The following ZNF469 variants were observed in gnomAD, a reference collection of about 807,000 sequenced individuals.
ZNF469 encodes zinc finger protein 469.
A neutral mutation model predicts 1.0 loss-of-function variants in ZNF469; 1 was observed. That is an observed-to-expected ratio of 1.00 (90% CI 0.35 to 4.73). ZNF469 has a LOEUF of 4.73. Ranked by LOEUF, ZNF469 falls within the 30% of genes most tolerant of loss-of-function variation. The probability of loss-of-function intolerance (pLI) is 0.16; values close to 1 mark genes in which losing one functional copy is unlikely to be tolerated. For synonymous variants in ZNF469, 2,703 were observed against 2,363.4 expected, an observed-to-expected ratio of 1.14 and a Z score of -4.17; for missense variants, 6,100 against 5,356.3, an observed-to-expected ratio of 1.14 and a Z score of -4.33.
At chr16:88,253,612 A>G in the ZNF469 span, among the ~76,000 whole-genome samples, 1 of 150,806 alleles carries the variant, frequency 6.6e-6, no homozygotes, top group Non-Finnish European at 1.5e-5. Context: ...ATCTCGGCTC[A>G]CTGCAAACTC....
At chr16:88,366,183 C>T in the ZNF469 span, among the ~76,000 whole-genome samples, 1 of 151,382 alleles carries the variant, frequency 6.6e-6, no homozygotes, top group Non-Finnish European at 1.5e-5. Flanking sequence ...CGATCATCAT[C>T]ACTATAACCA....
the ZNF469 span, among the ~76,000 whole-genome samples, chr16:88,206,513 C>T: frequency 5.9e-5 from 9 of 152,110 alleles, no homozygotes; most frequent in Non-Finnish European, 8.8e-5. Flanking sequence ...ACCAGATCCA[C>T]GGACCTTGTT....
chr16:88,120,804 C>G, the ZNF469 span, among the ~76,000 whole-genome samples: 1 of 152,090 alleles, frequency 6.6e-6, no homozygotes, highest in African/African-American at 2.4e-5. Flanking sequence ...CGTATGAATC[C>G]CGGAGGAGAC....
the ZNF469 span, among the ~76,000 whole-genome samples, chr16:88,329,327 A>G: frequency 2.0e-5 from 3 of 152,334 alleles, no homozygotes; most frequent in African/African-American, 7.2e-5. Context: ...GTTAGTATTG[A>G]TCCAGATGTG....
chr16:88,291,064 G>A, the ZNF469 span, among the ~76,000 whole-genome samples: 24 of 152,132 alleles, frequency 1.6e-4, no homozygotes, highest in Admixed American at 3.3e-4. Flanking sequence ...GTGTGTGTCC[G>A]TCCGGCACCT....
chr16:88,160,890 C>A, the ZNF469 span, among the ~76,000 whole-genome samples: 1 of 152,222 alleles, frequency 6.6e-6, no homozygotes, highest in African/African-American at 2.4e-5. Flanking sequence ...CACCTGTAAT[C>A]CCAGCACTTT....
At chr16:88,227,491 T>C in the ZNF469 span, among the ~76,000 whole-genome samples, 1 of 150,730 alleles carries the variant, frequency 6.6e-6, no homozygotes, top group Non-Finnish European at 1.5e-5. Flanking sequence ...TGTCTCCCTG[T>C]GTCCCCGTCT....
the ZNF469 span, among the ~76,000 whole-genome samples, chr16:88,270,014 G>A: frequency 6.6e-6 from 1 of 152,182 alleles, no homozygotes; most frequent in Non-Finnish European, 1.5e-5. Flanking sequence ...TTTCTAGGTG[G>A]TTGTGACATC....
the ZNF469 span, among the ~76,000 whole-genome samples, chr16:88,232,996 T>G: frequency 2.0e-5 from 3 of 152,162 alleles, no homozygotes; most frequent in African/African-American, 7.2e-5. Flanking sequence ...GGGCTGCCCT[T>G]GACCTTGGGC....
At chr16:88,245,656 A>G in the ZNF469 span, among the ~76,000 whole-genome samples, 2 of 152,242 alleles carry the variant, frequency 1.3e-5, no homozygotes, top group African/African-American at 4.8e-5. Flanking sequence ...CTCATCCCCA[A>G]GTGTCCTTCT....
At chr16:88,208,632 G>A in the ZNF469 span, among the ~76,000 whole-genome samples, 13 of 82,444 alleles carry the variant, frequency 1.6e-4, 1 homozygote, top group Non-Finnish European at 1.9e-4. Context: ...GAAGTGGGAG[G>A]GAGAGAAGAA....
the ZNF469 span, among the ~76,000 whole-genome samples, chr16:88,111,530 A>T: frequency 5.7e-4 from 84 of 148,592 alleles, 1 homozygote; most frequent in Admixed American, 2.1e-3. Context: ...CATCCCCCCC[A>T]CTTCCCTTCC....
At chr16:88,407,060 G>A (rs1369167700) in intron 1 of ZNF469, among the ~76,000 whole-genome samples, 1 of 152,230 alleles carries the variant, frequency 6.6e-6, no homozygotes, top group Non-Finnish European at 1.5e-5. Context: ...TGAGAAGCCT[G>A]CCCTGATTGC....
the ZNF469 span, among the ~76,000 whole-genome samples, chr16:88,377,524 A>T: frequency 6.6e-6 from 1 of 152,116 alleles, no homozygotes; most frequent in African/African-American, 2.4e-5. Flanking sequence ...TGGGGCAGAA[A>T]CGCTTGGGCC....
the ZNF469 span, among the ~76,000 whole-genome samples, chr16:88,353,477 G>C: frequency 1.2e-3 from 188 of 152,288 alleles, no homozygotes; most frequent in Non-Finnish European, 1.9e-3. Flanking sequence ...ACGCTGTACA[G>C]AGCCACCAGC....
At chr16:88,314,039 G>A in the ZNF469 span, among the ~76,000 whole-genome samples, 4 of 149,630 alleles carry the variant, frequency 2.7e-5, no homozygotes, top group Non-Finnish European at 5.9e-5. Context: ...TGCTGGTGTG[G>A]GCTGTCTCTG....
At position 88,436,520 on chromosome 16, in the gene ZNF469, G is replaced by A. The variant is rs1383712865; in HGVS notation, c.9050G>A (p.Ser3017Asn). 54 of 1,548,842 alleles carry A rather than the reference G, an allele frequency of 3.5e-5. No homozygotes were observed. The highest frequency in any genetic ancestry group is 4.4e-5 in the Non-Finnish European group (51 of 1,146,946). ...TCCTCCTCTTCTCTCGGAGATGTGA[G>A]CCCCGAGCCCCCCAGCCTGGAGAGA... Reference protein sequence around the residue: ...DDSSSSLGDVSPEPPSLERER... With the variant: ...DDSSSSLGDVNPEPPSLERER... Residue 3017 changes from serine (S) to asparagine (N), a missense_variant, in exon 3 of 3, where the codon AGC becomes AAC. Transcript: ENST00000565624.
At chr16:88,249,423 C>CTTTTTTTT in the ZNF469 span, among the ~76,000 whole-genome samples, 211 of 61,674 alleles carry the variant, frequency 3.4e-3, 9 homozygotes, top group East Asian at 7.5e-3. Context: ...CTTTCTTTTT[C>CTTTTTTTT]TTTTTCTTTT....
At chr16:88,338,896 C>T in the ZNF469 span, among the ~76,000 whole-genome samples, 5 of 152,146 alleles carry the variant, frequency 3.3e-5, no homozygotes, top group African/African-American at 1.2e-4. Context: ...CCTGCAACGC[C>T]TTGGTTTCAG....
Sources: allele counts gnomAD v4.1 joint callset (sites outside exome capture counted in the v4.1 genomes callset), GRCh38; gene constraint gnomAD v4.1.1; transcripts MANE v1.5; gene names NCBI Gene and HGNC (gene_info 2026-07-23, HGNC 2026-07-21).